The following ZNF141 variants were observed in gnomAD, a reference collection of about 807,000 sequenced individuals.
ZNF141 encodes zinc finger protein 141, also known as zinc finger protein 141 (clone pHZ-44).
Under a neutral mutation model 11.3 loss-of-function variants are expected in ZNF141, and 7 were observed. The observed-to-expected ratio is 0.62, with a 90% CI of 0.35 to 1.16. The LOEUF is 1.16. Among genes scored for constraint, ZNF141 ranks in the 50% most tolerant of loss-of-function variants. The pLI is 0.02. For synonymous variants in ZNF141, 183 were observed against 190.7 expected, an observed-to-expected ratio of 0.96 and a Z score of 0.33; for missense variants, 535 against 554.0, an observed-to-expected ratio of 0.97 and a Z score of 0.34.
rs1420758476 is a variant in ZNF141 at position 384,384 on chromosome 4, T to G, written c.*10522T>G. 1.3e-5 allele frequency: 2 copies of G among 152,016 alleles called. No individual in the cohort carries two copies. Among genetic ancestry groups the G allele is most frequent in the Non-Finnish European group, 2.9e-5 (2 of 67,956 alleles). The allele number at this position is 152,016 out of a possible 1,614,324, so 9.4% of individuals were successfully genotyped here. A position where few individuals can be genotyped will look rare whatever the true frequency, so the allele number is the denominator to read the frequency against. On this transcript the variant is annotated 3_prime_UTR_variant, in exon 4 of 4. Transcript: ENST00000240499. ...TGGTTAGGAAGATAGGGAGGGAAGG[T>G]CTTGGGAGATGAAAAACACCCACGG...
intron 1 of ZNF141, among the ~76,000 whole-genome samples, chr4:343,147 G>A (rs1721138003): frequency 6.6e-6 from 1 of 152,154 alleles, no homozygotes; most frequent in African/African-American, 2.4e-5. Flanking sequence ...GCAAGGCCAG[G>A]GTGAAGCATG....
chr4:337,941 A>C lies in ZNF141; in HGVS notation c.-43A>C, dbSNP rs1720865749. The stretch of plus-strand genomic sequence containing the variant: ...TCGCTCTGTGACCTGCGGGTATTGG[A>C]TGATTGGTAGCTAAGACTCCCGAAT... On this transcript the variant is annotated 5_prime_UTR_variant, in exon 1 of 4. The change abolishes an upstream ATG in the 5' untranslated region. Transcript: ENST00000240499. 1.9e-6 allele frequency: 3 copies of C among 1,611,570 alleles called. No individual in the cohort carries two copies. Among genetic ancestry groups the C allele is most frequent in the Admixed American group, 1.7e-5 (1 of 59,926 alleles).
In ZNF141 at chr4:379,429, C is replaced by G. The variant is rs1437289315; in HGVS notation, c.*5567C>G. Among the ~76,000 whole-genome samples, 2 of 152,182 alleles carry G rather than the reference C, an allele frequency of 1.3e-5. No homozygotes were observed. Among genetic ancestry groups the G allele is most frequent in the Non-Finnish European group, 2.9e-5 (2 of 68,040 alleles). ...CTCGCTCTGTCGCCAGGCTGGAGTA[C>G]AGTGGTGCGATCTCAGCTCACTGCA... On this transcript the variant is annotated 3_prime_UTR_variant, in exon 4 of 4. Transcript: ENST00000240499.
intron 1 of ZNF141, among the ~76,000 whole-genome samples, chr4:341,224 C>T (rs181588082): frequency 6.6e-6 from 1 of 152,108 alleles, no homozygotes; most frequent in African/African-American, 2.4e-5. Context: ...CCATGCCCGG[C>T]GGATTTTTTA....
At chr4:364,668 G>A (rs1374738488) in intron 3 of ZNF141, among the ~76,000 whole-genome samples, 2 of 152,080 alleles carry the variant, frequency 1.3e-5, no homozygotes, top group Non-Finnish European at 2.9e-5. Context: ...ACTGCAGAGC[G>A]GCAAATATTG....
intron 1 of ZNF141, 65 bp downstream of exon 1, chr4:338,051 G>T (rs1196901993): frequency 1.2e-6 from 2 of 1,606,550 alleles, no homozygotes; most frequent in South Asian, 1.1e-5. Context: ...GGGAAATGGC[G>T]GCGGGACCGA....
rs1553852369 is a variant in ZNF141 at position 362,578 on chromosome 4, A to G, written c.227-10086A>G. Among the ~76,000 whole-genome samples the G allele has an allele frequency of 1.4e-4, 22 of 152,140 alleles. 1 individual carries two copies. The highest frequency in any genetic ancestry group is 2.1e-4 in the South Asian group (1 of 4,828). Reference sequence around the variant, plus strand: ...GTATAAGGCGTAAGGAAGGGATCCAATTTCAGCTTTTACATATGGCTAGCC... The same window carrying G: ...GTATAAGGCGTAAGGAAGGGATCCAGTTTCAGCTTTTACATATGGCTAGCC... On this transcript the variant is annotated intron_variant, in intron 3 of 3. Transcript: ENST00000240499.
intron 3 of ZNF141, among the ~76,000 whole-genome samples, chr4:353,466 AT>A (rs200906693): frequency 5.9e-4 from 80 of 134,556 alleles, no homozygotes; most frequent in South Asian, 5.6e-3. Context: ...TATTATTATT[AT>A]TTTTTTTTTT....
chr4:382,739 C>G lies in ZNF141; in HGVS notation c.*8877C>G. The G allele has an allele frequency of 6.3e-6, 1 of 159,580 alleles. No homozygotes were observed. The highest frequency in any genetic ancestry group is 1.4e-5 in the Non-Finnish European group (1 of 72,872). The allele number at this position is 159,580 out of a possible 1,614,324, so 9.9% of individuals were successfully genotyped here. On this transcript the variant is annotated 3_prime_UTR_variant, in exon 4 of 4. Transcript: ENST00000240499. ...TTGCTCCTATTTCAGAAGTGTCACT[C>G]CAGCCCCTTGAAGGTCCAGGAAACC... is the stretch of plus-strand genomic sequence containing the variant.
intron 3 of ZNF141, among the ~76,000 whole-genome samples, chr4:349,759 G>C (rs531717890): frequency 6.6e-6 from 1 of 152,186 alleles, no homozygotes; most frequent in South Asian, 2.1e-4. Context: ...CAGAGATTTG[G>C]ACAGTCATGG....
At position 381,787 on chromosome 4, in the gene ZNF141, T is replaced by C. The variant is rs187949271; in HGVS notation, c.*7925T>C. On this transcript the variant is annotated 3_prime_UTR_variant, in exon 4 of 4. Transcript: ENST00000240499. The stretch of plus-strand genomic sequence containing the variant: ...TTTTTACAACAGAGAATACCCCTAT[T>C]AAATATGGGTCACAGATTTTTACCC... Among the ~76,000 whole-genome samples, 5 of 152,010 alleles carry C rather than the reference T, an allele frequency of 3.3e-5. No homozygotes were observed. The highest frequency in any genetic ancestry group is 9.7e-5 in the African/African-American group (4 of 41,430).
At chr4:369,047 T>G (rs56740548) in intron 3 of ZNF141, among the ~76,000 whole-genome samples, 22,057 of 152,112 alleles carry the variant, frequency 0.15, 2,179 homozygotes, top group African/African-American at 0.28. Context: ...GTTTCATTAT[T>G]CATTATAGAA....
chr4:363,776 G>GT (rs1246713199), intron 3 of ZNF141, among the ~76,000 whole-genome samples: 7 of 151,688 alleles, frequency 4.6e-5, no homozygotes, highest in Non-Finnish European at 1.5e-5. Flanking sequence ...AAAAAAGGCG[G>GT]GGGGGAATGC....
intron 3 of ZNF141, among the ~76,000 whole-genome samples, chr4:349,047 T>G (rs969418049): frequency 6.6e-6 from 1 of 152,180 alleles, no homozygotes; most frequent in South Asian, 2.1e-4. Context: ...GTTAAATTTA[T>G]TTTGATTAAC....
At chr4:361,533 C>A (rs1722113316) in intron 3 of ZNF141, among the ~76,000 whole-genome samples, 1 of 152,066 alleles carries the variant, frequency 6.6e-6, no homozygotes, top group African/African-American at 2.4e-5. Flanking sequence ...TCTCCCCGCC[C>A]AACCCCACGA....
intron 3 of ZNF141, among the ~76,000 whole-genome samples, chr4:357,270 G>T (rs1721885477): frequency 6.6e-6 from 1 of 152,014 alleles, no homozygotes; most frequent in Non-Finnish European, 1.5e-5. Flanking sequence ...TTTTTTAAAA[G>T]ATTGAATAGC....
chr4:349,567 C>T (rs1276039655), intron 3 of ZNF141, among the ~76,000 whole-genome samples: 4 of 152,142 alleles, frequency 2.6e-5, no homozygotes, highest in Non-Finnish European at 2.9e-5. Flanking sequence ...TGAAGCAGCC[C>T]TGTGTCTGCA....
intron 1 of ZNF141, chr4:343,100 C>A (rs1263772000): frequency 1.7e-6 from 1 of 597,426 alleles, no homozygotes; most frequent in Non-Finnish European, 2.9e-6. Context: ...TAAAAAAGTC[C>A]TTATGTTTTA....
Position 379,063 on chromosome 4 carries a change from T to A in ZNF141, c.*5201T>A, listed in dbSNP as rs1312850719. Among the ~76,000 whole-genome samples the A allele has an allele frequency of 1.3e-5, 2 of 152,100 alleles. No individual in the cohort carries two copies. The highest frequency in any genetic ancestry group is 4.8e-5 in the African/African-American group (2 of 41,424). On this transcript the variant is annotated 3_prime_UTR_variant, in exon 4 of 4. Transcript: ENST00000240499. The stretch of plus-strand genomic sequence containing the variant: ...TTTCACTCTGTTGGCCAGGCTGGTC[T>A]CGAGCTCCTGTCCTCGTGATCCACG...
Sources: gnomAD v4.1 joint callset for allele counts (sites outside exome capture counted in the v4.1 genomes callset) on GRCh38, gnomAD v4.1.1 for gene constraint, MANE v1.5 for transcripts, NCBI Gene and HGNC (gene_info 2026-07-23, HGNC 2026-07-21) for gene names.